The following SLAMF6 variants were observed in gnomAD, a reference collection of about 807,000 sequenced individuals.
SLAMF6 encodes NK-T-B-antigen.
SLAMF6 carries 21 observed loss-of-function variants against 38.3 expected under a neutral mutation model. The ratio of observed to expected loss-of-function variants is 0.55; its 90% CI spans 0.39 to 0.79. The LOEUF (loss-of-function observed/expected upper bound fraction) is 0.79. Among genes scored for constraint, SLAMF6 ranks in the 30% least tolerant of loss-of-function variants. The pLI is 0.00. For synonymous variants in SLAMF6, 152 were observed against 146.3 expected, an observed-to-expected ratio of 1.04 and a Z score of -0.28; for missense variants, 341 against 385.3, an observed-to-expected ratio of 0.89 and a Z score of 0.96.
rs776503084 is a variant in SLAMF6, at chr1:160,490,676, A to T, written c.656T>A (p.Ile219Asn). The stretch of plus-strand genomic sequence containing the variant: ...AATCATTTTGGTATCTGTATATTGA[A>T]TTTTAACATCTGAAAAGAGAAAAAA... ...SAQKLCEDVK[I>N]QYTDTKMILF... Residue 219 changes from isoleucine (I) to asparagine (N), a missense_variant, in exon 4 of 8, where the codon ATT (isoleucine) becomes AAT (asparagine). Transcript: ENST00000368057. 5.0e-6 allele frequency: 8 copies of T among 1,612,854 alleles called. No individual in the cohort carries two copies. In the South Asian group the frequency reaches 7.7e-5, roughly 16 times the overall value.
chr1:160,500,902 C>T (rs1448515393), intron 1 of SLAMF6, among the ~76,000 whole-genome samples: 4 of 152,210 alleles, frequency 2.6e-5, no homozygotes, highest in South Asian at 4.2e-4. Context: ...GCCTGGAACG[C>T]TTGTTTAAGT....
chr1:160,520,410 G>A (rs1654930275), intron 1 of SLAMF6, among the ~76,000 whole-genome samples: 1 of 152,094 alleles, frequency 6.6e-6, no homozygotes, highest in African/African-American at 2.4e-5. Flanking sequence ...TGCTTAGTGT[G>A]GTCCATGGAC....
intron 5 of SLAMF6, among the ~76,000 whole-genome samples, chr1:160,489,491 C>T (rs943029119): frequency 2.0e-5 from 3 of 152,176 alleles, no homozygotes; most frequent in Admixed American, 1.3e-4. Flanking sequence ...GCTAAAGACA[C>T]CTCATTGGCA....
chr1:160,521,058 G>A (rs1261950803), intron 1 of SLAMF6, among the ~76,000 whole-genome samples: 1 of 152,086 alleles, frequency 6.6e-6, no homozygotes, highest in Non-Finnish European at 1.5e-5. Context: ...AAGGTGCCCT[G>A]CTTATTTTTT....
At position 160,515,374 on chromosome 1, in the gene SLAMF6, C is replaced by T. The variant is rs569878692; in HGVS notation, c.49+7770G>A. Among the ~76,000 whole-genome samples the T allele has an allele frequency of 1.1e-4, 17 of 151,918 alleles. 1 individual carries two copies. In the East Asian group the frequency reaches 2.5e-3, roughly 23 times the overall value. ...TGAAATTGAGACAGTAATAAATAGT[C>T]TAAAAGAAAAAGCCCAGGACCAGAA... On this transcript the variant is annotated intron_variant, in intron 1 of 7. Coordinates refer to ENST00000368057, the MANE Select transcript of SLAMF6 (RefSeq NM_001184714.2).
intron 4 of SLAMF6, 68 bp from the exon 5 acceptor site, chr1:160,490,304 G>C (rs376044275): frequency 6.2e-7 from 1 of 1,606,944 alleles, no homozygotes; most frequent in South Asian, 1.1e-5. Flanking sequence ...CCCTAACCCC[G>C]TGAGTGTTGG....
At chr1:160,491,434 G>T in intron 2 of SLAMF6, 46 bp from the exon 3 acceptor site, 1 of 1,577,766 alleles carries the variant, frequency 6.3e-7, no homozygotes. Context: ...CAAATGTCTT[G>T]GCTCAACCCC....
chr1:160,490,125 C>A, intron 5 of SLAMF6, 73 bp downstream of exon 5: 1 of 1,525,146 alleles, frequency 6.6e-7, no homozygotes, highest in Non-Finnish European at 9.1e-7. Flanking sequence ...CAGCCCTCTG[C>A]CATCCCCCTC....
Position 160,490,702 on chromosome 1 carries a change from G to C in SLAMF6, c.647-17C>G, listed in dbSNP as rs753157175. ...TTTTAACATCTGAAAAGAGAAAAAA[G>C]AAATGACATTTGAGACACATCAAGT... On this transcript the variant is annotated splice_polypyrimidine_tract_variant and intron_variant, in intron 3 of 7. Transcript: ENST00000368057. 6.2e-7 allele frequency: 1 copy of C among 1,610,600 alleles called. No homozygotes were observed.
chr1:160,488,300 A>G (rs1353597626), intron 6 of SLAMF6, among the ~76,000 whole-genome samples: 1 of 152,086 alleles, frequency 6.6e-6, no homozygotes, highest in Non-Finnish European at 1.5e-5. Context: ...AAGTGAGAGT[A>G]CCCCTTCTTG....
At chr1:160,521,696 A>T (rs1202461717) in intron 1 of SLAMF6, among the ~76,000 whole-genome samples, 1 of 152,056 alleles carries the variant, frequency 6.6e-6, no homozygotes, top group African/African-American at 2.4e-5. Context: ...AGTTCCCAGG[A>T]TCCTCCACGT....
intron 3 of SLAMF6, 27 bp downstream of exon 3, chr1:160,491,098 G>C: frequency 1.2e-6 from 2 of 1,611,420 alleles, no homozygotes; most frequent in East Asian, 2.2e-5. Flanking sequence ...GCTGCTCAAG[G>C]CTCTCAGACC....
intron 2 of SLAMF6, 55 bp downstream of exon 2, chr1:160,496,006 G>C (rs1467036110): frequency 2.0e-6 from 3 of 1,487,332 alleles, no homozygotes; most frequent in Admixed American, 3.7e-5. Context: ...CATAGGATTG[G>C]AATACATGTA....
intron 1 of SLAMF6, among the ~76,000 whole-genome samples, chr1:160,518,664 T>C (rs952166230): frequency 3.3e-5 from 5 of 151,602 alleles, no homozygotes; most frequent in Non-Finnish European, 7.4e-5. Context: ...AGCAAACTAA[T>C]GCAGGAACAG....
chr1:160,490,826 C>T lies in SLAMF6; in HGVS notation c.647-141G>A, dbSNP rs1471430623. ...AGCCGGAGGCTCTGGGGTGGGAGTCCTATGTGGCAGGCAGGGGAGGGTGGG... is the reference window on the plus strand; with the variant it reads ...AGCCGGAGGCTCTGGGGTGGGAGTCTTATGTGGCAGGCAGGGGAGGGTGGG... On this transcript the variant is annotated intron_variant, in intron 3 of 7. Transcript: ENST00000368057. The T allele has an allele frequency of 1.2e-5, 16 of 1,324,080 alleles. No homozygotes were observed. In the East Asian group the frequency reaches 3.3e-4, roughly 27 times the overall value. The allele number at this position is 1,324,080 out of a possible 1,614,324, so 82.0% of individuals were successfully genotyped here.
chr1:160,490,409 G>A, intron 4 of SLAMF6, 166 bp downstream of exon 4: 3 of 794,154 alleles, frequency 3.8e-6, no homozygotes, highest in Non-Finnish European at 4.6e-6. Flanking sequence ...ATATTAGCAG[G>A]TGCAAGATCA....
chr1:160,502,514 T>A (rs1307574452), intron 1 of SLAMF6, among the ~76,000 whole-genome samples: 1 of 152,320 alleles, frequency 6.6e-6, no homozygotes, highest in East Asian at 1.9e-4. Context: ...CCCCATAACC[T>A]GGTCCAGGGA....
intron 1 of SLAMF6, among the ~76,000 whole-genome samples, chr1:160,522,810 C>A (rs140321799): frequency 6.6e-6 from 1 of 152,218 alleles, no homozygotes; most frequent in African/African-American, 2.4e-5. Flanking sequence ...GGTATGAGGG[C>A]CCATTTTCTT....
chr1:160,511,118 T>C (rs186543330), intron 1 of SLAMF6, among the ~76,000 whole-genome samples: 2 of 152,328 alleles, frequency 1.3e-5, no homozygotes, highest in East Asian at 1.9e-4. Context: ...TGTTCATTAA[T>C]TGGAAGATAA....
Sources: gnomAD v4.1 joint callset for allele counts (sites outside exome capture counted in the v4.1 genomes callset) on GRCh38, gnomAD v4.1.1 for gene constraint, MANE v1.5 for transcripts, NCBI Gene and HGNC (gene_info 2026-07-23, HGNC 2026-07-21) for gene names.